Variants in LRP1B observed in about 807,000 individuals in gnomAD.
LRP1B encodes the protein low-density lipoprotein receptor-related protein 1B.
In LRP1B, 217 loss-of-function variants were observed where a neutral mutation model predicts 556.6. The observed-to-expected ratio is 0.39, with a 90% CI of 0.35 to 0.44. The LOEUF (loss-of-function observed/expected upper bound fraction) is 0.44. LRP1B is among the 20% of genes least tolerant of loss of function. The pLI is 1.00. For missense variants in LRP1B, 5,053 were observed against 5,620.8 expected (o/e 0.90, Z 3.23); for synonymous variants, 2,047 against 1,865.8 (o/e 1.10, Z -2.50).
chr2:140,726,403 G>A (rs915714807), intron 35 of LRP1B, among the ~76,000 whole-genome samples: 1 of 152,138 alleles, frequency 6.6e-6, no homozygotes, highest in Admixed American at 6.6e-5. Context: ...AGAAATCACT[G>A]CTGTTCAATC....
chr2:142,028,324 G>A (rs993988105), intron 1 of LRP1B, among the ~76,000 whole-genome samples: 2 of 151,924 alleles, frequency 1.3e-5, no homozygotes, highest in Non-Finnish European at 2.9e-5. Context: ...ATCTTGTGCT[G>A]TCCCTTTGCC....
intron 47 of LRP1B, 138 bp downstream of exon 47, chr2:140,533,883 C>A (rs974860723): frequency 2.9e-5 from 24 of 841,208 alleles, no homozygotes; most frequent in Middle Eastern, 3.0e-4. Context: ...CAACTCCATT[C>A]CAACAGCATT....
intron 1 of LRP1B, among the ~76,000 whole-genome samples, chr2:141,963,568 A>C (rs975995221): frequency 2.1e-4 from 32 of 151,996 alleles, no homozygotes; most frequent in African/African-American, 7.0e-4. Flanking sequence ...AACTCTCAAT[A>C]AATTAGGTAT....
At chr2:141,773,901 T>G (rs1388312384) in intron 2 of LRP1B, among the ~76,000 whole-genome samples, 1 of 152,212 alleles carries the variant, frequency 6.6e-6, no homozygotes, top group South Asian at 2.1e-4. Context: ...TTTGCTGCCT[T>G]AAATCAAAAG....
At chr2:140,572,460 A>G in intron 43 of LRP1B, among the ~76,000 whole-genome samples, 1 of 151,838 alleles carries the variant, frequency 6.6e-6, no homozygotes, top group Non-Finnish European at 1.5e-5. Flanking sequence ...ATCTCACCCC[A>G]GTTAGGAAGG....
At chr2:140,921,283 T>C (rs1287167567) in intron 21 of LRP1B, among the ~76,000 whole-genome samples, 2 of 151,992 alleles carry the variant, frequency 1.3e-5, no homozygotes. Context: ...TTCAAGTAAT[T>C]GAAACTCAGG....
chr2:141,782,559 TC>T (rs946136692), intron 2 of LRP1B, among the ~76,000 whole-genome samples: 32 of 142,898 alleles, frequency 2.2e-4, no homozygotes, highest in Admixed American at 1.3e-3. Context: ...TAAATGATAT[TC>T]AGCTCTGTAA....
chr2:141,923,003 A>G (rs1700230404), intron 1 of LRP1B, among the ~76,000 whole-genome samples: 1 of 151,838 alleles, frequency 6.6e-6, no homozygotes, highest in Non-Finnish European at 1.5e-5. Context: ...AAAGGCTGAG[A>G]TCAGAGGATC....
At chr2:142,085,910 C>T (rs1475446924) in intron 1 of LRP1B, among the ~76,000 whole-genome samples, 1 of 152,164 alleles carries the variant, frequency 6.6e-6, no homozygotes, top group Non-Finnish European at 1.5e-5. Context: ...GAGCTCTGGG[C>T]ATATATATCT....
chr2:140,846,309 C>G lies in LRP1B; in HGVS notation c.4939+3793G>C, dbSNP rs554912746. ...TGAGCAATATATACATTAAGAACAG[C>G]TTGGTGTTTCAGGACATGTAGAATG... On this transcript the variant is annotated intron_variant, in intron 29 of 90. Transcript: ENST00000389484. Among the ~76,000 whole-genome samples the G allele has an allele frequency of 8.5e-5, 13 of 152,218 alleles. No individual in the cohort carries two copies. The South Asian group carries it at 1.9e-3, about 22-fold the overall frequency.
chr2:141,663,931 A>AC (rs999521095), intron 2 of LRP1B, among the ~76,000 whole-genome samples: 17 of 151,522 alleles, frequency 1.1e-4, no homozygotes, highest in African/African-American at 2.4e-4. Context: ...AAAAAAAAAA[A>AC]AAAAACAAAA....
intron 4 of LRP1B, among the ~76,000 whole-genome samples, chr2:141,253,911 T>C (rs1196718883): frequency 6.6e-6 from 1 of 152,004 alleles, no homozygotes; most frequent in African/African-American, 2.4e-5. Flanking sequence ...ACTTTGTGGA[T>C]ATGTTATATA....
At chr2:140,881,882 T>C (rs1346713340) in intron 25 of LRP1B, among the ~76,000 whole-genome samples, 2 of 152,198 alleles carry the variant, frequency 1.3e-5, no homozygotes, top group African/African-American at 4.8e-5. Flanking sequence ...GTTTTTGTTT[T>C]CTTTCTTTAC....
chr2:140,510,862 T>C (rs959142083), intron 51 of LRP1B, among the ~76,000 whole-genome samples: 1 of 152,150 alleles, frequency 6.6e-6, no homozygotes, highest in African/African-American at 2.4e-5. Context: ...GATCATAGGG[T>C]AGCCATATGT....
intron 1 of LRP1B, among the ~76,000 whole-genome samples, chr2:142,091,430 T>C (rs1038504499): frequency 7.2e-5 from 11 of 152,094 alleles, no homozygotes; most frequent in Non-Finnish European, 1.0e-4. Context: ...AACTAAGGGC[T>C]GAAAATTATA....
intron 41 of LRP1B, among the ~76,000 whole-genome samples, chr2:140,623,315 T>G (rs1342196548): frequency 6.6e-6 from 1 of 152,176 alleles, no homozygotes; most frequent in Admixed American, 6.5e-5. Context: ...AAATACATCT[T>G]TAAGCAATAA....
At chr2:142,111,444 T>C (rs1364450930) in intron 1 of LRP1B, among the ~76,000 whole-genome samples, 1 of 152,244 alleles carries the variant, frequency 6.6e-6, no homozygotes, top group Non-Finnish European at 1.5e-5. Flanking sequence ...ATCCTGCGCA[T>C]ACATTTCTCT....
intron 7 of LRP1B, among the ~76,000 whole-genome samples, chr2:141,152,017 G>T (rs1021103549): frequency 5.3e-5 from 8 of 152,004 alleles, no homozygotes; most frequent in Admixed American, 2.0e-4. Context: ...ACTGGAGAAA[G>T]ATAAGAATAA....
intron 66 of LRP1B, among the ~76,000 whole-genome samples, chr2:140,398,163 TC>T (rs1684334386): frequency 6.6e-6 from 1 of 152,122 alleles, no homozygotes; most frequent in South Asian, 2.1e-4. Flanking sequence ...AGTTAGCAAA[TC>T]TTTTTTTTGA....
Sources: gnomAD v4.1 joint callset for allele counts (sites outside exome capture counted in the v4.1 genomes callset) on GRCh38, gnomAD v4.1.1 for gene constraint, MANE v1.5 for transcripts, NCBI Gene and HGNC (gene_info 2026-07-23, HGNC 2026-07-21) for gene names.